ADGRL2: variants seen among roughly 807,000 people sequenced by gnomAD.
ADGRL2 encodes adhesion G protein-coupled receptor L2.
In ADGRL2, 44 loss-of-function variants were observed where a neutral mutation model predicts 157.4. That is an observed-to-expected ratio of 0.28 (90% CI 0.22 to 0.36). The LOEUF (loss-of-function observed/expected upper bound fraction) is 0.36. Among genes scored for constraint, ADGRL2 ranks in the 10% least tolerant of loss-of-function variants. The probability of loss-of-function intolerance (pLI) is 1.00; values close to 1 mark genes in which losing one functional copy is unlikely to be tolerated. For synonymous variants in ADGRL2, 585 were observed against 624.7 expected (o/e 0.94, Z 0.95); for missense variants, 1,510 against 1,768.9 (o/e 0.85, Z 2.63).
Position 81,907,248 on chromosome 1 carries a change from A to G in ADGRL2, c.287+18A>G. 1 of 1,594,576 alleles carries G rather than the reference A, an allele frequency of 6.3e-7. No individual in the cohort carries two copies. Among genetic ancestry groups the G allele is most frequent in the Middle Eastern group, 1.7e-4 (1 of 6,024 alleles). ...ACTCAAAGGTAAATATTCATGTGTT[A>G]ATGTCCCATTTGAGCTATTGTATCC... is the stretch of plus-strand genomic sequence containing the variant. On this transcript the variant is annotated intron_variant, in intron 3 of 23. Coordinates refer to ENST00000686636, the MANE Select transcript of ADGRL2 (RefSeq NM_001366006.2).
intron 2 of ADGRL2, among the ~76,000 whole-genome samples, chr1:81,559,021 T>C (rs2080379164): frequency 6.6e-6 from 1 of 152,172 alleles, no homozygotes; most frequent in African/African-American, 2.4e-5. Context: ...TCTGGTTGTG[T>C]GCTTTCTCTT....
intron 2 of ADGRL2, among the ~76,000 whole-genome samples, chr1:81,462,608 C>T (rs565632568): frequency 2.6e-5 from 4 of 152,138 alleles, no homozygotes; most frequent in Non-Finnish European, 4.4e-5. Flanking sequence ...TAGTGTGGTC[C>T]GATTTTTACT....
At chr1:81,474,974 A>C (rs1024606010) in intron 2 of ADGRL2, among the ~76,000 whole-genome samples, 1 of 152,116 alleles carries the variant, frequency 6.6e-6, no homozygotes, top group African/African-American at 2.4e-5. Context: ...TTCTAAGAAA[A>C]CATTTTGATA....
Position 81,946,340 on chromosome 1 carries a change from C to CTTT in ADGRL2, c.1210+2586_1210+2588dup, listed in dbSNP as rs397861989. Among the ~76,000 whole-genome samples, 218 of 128,580 alleles carry CTTT rather than the reference C, an allele frequency of 1.7e-3. 1 individual carries two copies. Among genetic ancestry groups the CTTT allele is most frequent in the African/African-American group, 5.8e-3 (203 of 34,878 alleles). 84.4% of individuals were successfully genotyped at this position (128,580 alleles called of 152,430 possible). On this transcript the variant is annotated intron_variant, in intron 6 of 23. Coordinates refer to ENST00000686636, the MANE Select transcript of ADGRL2 (RefSeq NM_001366006.2). ...ACGCATATTATTTTTGTGCCTTAAT[C>CTTT]TTTTTTTTTTTTTTTTTGGTGAGTT... is the stretch of plus-strand genomic sequence containing the variant.
At chr1:81,812,278 G>A (rs2089953443) in intron 1 of ADGRL2, among the ~76,000 whole-genome samples, 1 of 151,734 alleles carries the variant, frequency 6.6e-6, no homozygotes, top group African/African-American at 2.4e-5. Flanking sequence ...CCCTTTGAAA[G>A]TTATGTTTTA....
chr1:81,722,777 G>T, intron 1 of ADGRL2: 1 of 772,198 alleles, frequency 1.3e-6, no homozygotes, highest in East Asian at 2.5e-5. Flanking sequence ...GAGAGAGCCC[G>T]GAGGGAGGAA....
chr1:81,686,158 G>A (rs2083224517), intron 3 of ADGRL2, among the ~76,000 whole-genome samples: 1 of 152,122 alleles, frequency 6.6e-6, no homozygotes, highest in Admixed American at 6.5e-5. Flanking sequence ...CATAGAATGA[G>A]TTAGGGAGGG....
intron 1 of ADGRL2, among the ~76,000 whole-genome samples, chr1:81,333,662 C>A (rs887213261): frequency 2.0e-5 from 3 of 151,760 alleles, no homozygotes; most frequent in Non-Finnish European, 4.4e-5. Context: ...GTGATCCACC[C>A]ACCTTGGCCT....
intron 2 of ADGRL2, among the ~76,000 whole-genome samples, chr1:81,464,668 T>G (rs998593452): frequency 3.9e-5 from 6 of 152,190 alleles, no homozygotes; most frequent in South Asian, 2.1e-4. Context: ...CGTGGTTAAT[T>G]GATACAGTTA....
intron 1 of ADGRL2, among the ~76,000 whole-genome samples, chr1:81,391,105 A>G (rs2076543616): frequency 6.6e-6 from 1 of 152,308 alleles, no homozygotes; most frequent in Non-Finnish European, 1.5e-5. Flanking sequence ...TTGAAGTGTA[A>G]CAGGCAATCA....
At chr1:81,502,981 G>T (rs952084171) in intron 2 of ADGRL2, 14 of 1,613,442 alleles carry the variant, frequency 8.7e-6, no homozygotes, top group Non-Finnish European at 1.2e-5. Flanking sequence ...AACAGTGGCT[G>T]TGCCAAATCG....
At chr1:81,885,296 T>G (rs900499954) in intron 2 of ADGRL2, among the ~76,000 whole-genome samples, 2 of 152,210 alleles carry the variant, frequency 1.3e-5, no homozygotes, top group South Asian at 4.1e-4. Context: ...TCTTTTAACC[T>G]GATGTTTCAT....
At chr1:81,413,580 C>T (rs2076984843) in intron 1 of ADGRL2, among the ~76,000 whole-genome samples, 1 of 151,976 alleles carries the variant, frequency 6.6e-6, no homozygotes, top group South Asian at 2.1e-4. Context: ...AGGTTGTTTA[C>T]AAGAAAAAAA....
At chr1:81,748,336 G>A (rs958872572) in intron 1 of ADGRL2, among the ~76,000 whole-genome samples, 1 of 151,730 alleles carries the variant, frequency 6.6e-6, no homozygotes, top group Non-Finnish European at 1.5e-5. Flanking sequence ...AATTAGCTGG[G>A]CACGCGCCTA....
intron 3 of ADGRL2, among the ~76,000 whole-genome samples, chr1:81,923,909 G>A (rs1557921771): frequency 6.6e-6 from 1 of 152,114 alleles, no homozygotes; most frequent in Non-Finnish European, 1.5e-5. Flanking sequence ...GACATAAGAA[G>A]TTTACCGTGT....
At chr1:81,903,505 A>C (rs1447906912) in intron 2 of ADGRL2, among the ~76,000 whole-genome samples, 1 of 151,742 alleles carries the variant, frequency 6.6e-6, no homozygotes, top group Non-Finnish European at 1.5e-5. Flanking sequence ...GAGACCCTAA[A>C]TTTACTACTA....
intron 2 of ADGRL2, among the ~76,000 whole-genome samples, chr1:81,767,028 TA>T (rs2086156853): frequency 6.6e-6 from 1 of 152,052 alleles, no homozygotes; most frequent in Non-Finnish European, 1.5e-5. Context: ...TGCTTTTCTT[TA>T]TAATTTTACC....
intron 2 of ADGRL2, among the ~76,000 whole-genome samples, chr1:81,768,549 C>T (rs950347304): frequency 2.0e-4 from 30 of 151,688 alleles, no homozygotes; most frequent in African/African-American, 7.0e-4. Flanking sequence ...TCACAGCTCA[C>T]TTCAGCCTCA....
Position 81,966,528 on chromosome 1 carries a change from C to G in ADGRL2, c.2268C>G (p.His756Gln), listed in dbSNP as rs749681000. The G allele has an allele frequency of 6.2e-6, 10 of 1,613,848 alleles. No homozygotes were observed. In the African/African-American group the frequency reaches 1.3e-4, roughly 22 times the overall value. ...GRNSTIAVNSHVISVSINKES... is the reference protein window; with the variant it reads ...GRNSTIAVNSQVISVSINKES... Reference sequence around the variant, plus strand: ...ATAGCACCATTGCAGTGAACTCTCACGTCATTTCAGTTTCAATCAATAAAG... The same window carrying G: ...ATAGCACCATTGCAGTGAACTCTCAGGTCATTTCAGTTTCAATCAATAAAG... The change falls in exon 13 of 24, where the codon CAC becomes CAG. Residue 756 changes from histidine to glutamine, a missense_variant. Around this residue, in one of 4 missense-constraint regions of ADGRL2, gnomAD observed 497 missense variants for 627.2 expected, o/e 0.79. Transcript: ENST00000686636.
Sources: gnomAD v4.1 joint callset for allele counts (sites outside exome capture counted in the v4.1 genomes callset) on GRCh38, gnomAD v4.1.1 for gene constraint, gnomAD v4.1.1 regional missense constraint, MANE v1.5 for transcripts, NCBI Gene and HGNC (gene_info 2026-07-23, HGNC 2026-07-21) for gene names.